The following DLGAP2 variants were observed in gnomAD, a reference collection of about 807,000 sequenced individuals.
DLGAP2 encodes the protein DLG associated protein 2, also known as disks large-associated protein 2.
Under a neutral mutation model 100.3 loss-of-function variants are expected in DLGAP2, and 26 were observed. The observed-to-expected ratio is 0.26, with a 90% CI of 0.19 to 0.36. The LOEUF is 0.36. Among genes scored for constraint, DLGAP2 ranks in the 10% least tolerant of loss-of-function variants. The pLI is 1.00. For synonymous variants in DLGAP2, 886 were observed against 630.1 expected (o/e 1.41, Z -6.08); for missense variants, 1,858 against 1,453.2 (o/e 1.28, Z -4.53).
intron 2 of DLGAP2, among the ~76,000 whole-genome samples, chr8:955,782 A>G (rs1259429990): frequency 6.6e-6 from 1 of 152,216 alleles, no homozygotes; most frequent in Non-Finnish European, 1.5e-5. Context: ...AAGAATGGAC[A>G]TATTCCCAAT....
intron 3 of DLGAP2, among the ~76,000 whole-genome samples, chr8:1,319,947 G>C (rs751156150): frequency 3.3e-5 from 5 of 152,194 alleles, no homozygotes; most frequent in Non-Finnish European, 7.3e-5. Flanking sequence ...CCAGGACTTA[G>C]CTTTAACCCA....
intron 3 of DLGAP2, among the ~76,000 whole-genome samples, chr8:1,464,051 C>T (rs1798536006): frequency 6.6e-6 from 1 of 152,014 alleles, no homozygotes; most frequent in South Asian, 2.1e-4. Context: ...ACAGAATTCA[C>T]TGAATGTCGC....
chr8:1,549,272 G>A lies in DLGAP2; in HGVS notation c.819G>A (p.Lys273=). The change falls in exon 5 of 15, where the codon AAG becomes AAA. Residue 273 remains lysine (K), a synonymous_variant. Transcript: ENST00000637795. ...ADDHHHAHHA[K]HSKRSKSKER... Reference sequence around the variant, plus strand: ...ACCACCACCACGCCCACCACGCCAAGCACAGCAAGAGGAGCAAGAGCAAGG... The same window carrying A: ...ACCACCACCACGCCCACCACGCCAAACACAGCAAGAGGAGCAAGAGCAAGG... The A allele has an allele frequency of 2.5e-6, 4 of 1,611,354 alleles. No homozygotes were observed. Among genetic ancestry groups the A allele is most frequent in the African/African-American group, 1.3e-5 (1 of 75,052 alleles).
At chr8:1,255,131 G>A (rs1225110179) in intron 2 of DLGAP2, among the ~76,000 whole-genome samples, 9 of 123,324 alleles carry the variant, frequency 7.3e-5, no homozygotes, top group South Asian at 3.0e-4. Context: ...TCTCCTGCCC[G>A]GGCGCTGAGT....
chr8:889,550 C>A (rs1253690273), intron 1 of DLGAP2, among the ~76,000 whole-genome samples: 3 of 152,156 alleles, frequency 2.0e-5, no homozygotes, highest in Non-Finnish European at 2.9e-5. Context: ...CAGGGTCGAG[C>A]CTGAAGAGCA....
chr8:1,408,465 A>T (rs757030329), intron 3 of DLGAP2, among the ~76,000 whole-genome samples: 2 of 152,182 alleles, frequency 1.3e-5, no homozygotes, highest in Admixed American at 1.3e-4. Context: ...CACCGTGTCA[A>T]GTCCTGAAGC....
intron 1 of DLGAP2, among the ~76,000 whole-genome samples, chr8:827,032 G>A (rs1269335270): frequency 2.6e-5 from 4 of 152,224 alleles, no homozygotes; most frequent in East Asian, 3.9e-4. Flanking sequence ...CTCAAATGGG[G>A]GCAGTTTTGT....
chr8:764,736 C>G (rs1001839080), intron 1 of DLGAP2, among the ~76,000 whole-genome samples: 1 of 152,140 alleles, frequency 6.6e-6, no homozygotes, highest in Non-Finnish European at 1.5e-5. Flanking sequence ...TGACTTGTGC[C>G]GTCTTCTAAG....
intron 5 of DLGAP2, among the ~76,000 whole-genome samples, chr8:1,563,546 G>A (rs1455352887): frequency 4.0e-5 from 6 of 151,558 alleles, no homozygotes; most frequent in African/African-American, 1.5e-4. Context: ...TGCAGTGTCC[G>A]GGTGTCCGCG....
At chr8:813,894 G>C (rs1278497442) in intron 1 of DLGAP2, among the ~76,000 whole-genome samples, 1 of 152,148 alleles carries the variant, frequency 6.6e-6, no homozygotes, top group Non-Finnish European at 1.5e-5. Context: ...CCAGAAGCAG[G>C]ACTCCTGTCT....
At chr8:739,878 G>A (rs752453045) in intron 1 of DLGAP2, 2 of 152,258 alleles carry the variant, frequency 1.3e-5, no homozygotes, top group African/African-American at 4.8e-5. Context: ...TGGGCGGGGA[G>A]GCCGTGGAGG....
At chr8:1,031,912 T>C (rs891072307) in intron 2 of DLGAP2, among the ~76,000 whole-genome samples, 28 of 152,314 alleles carry the variant, frequency 1.8e-4, no homozygotes, top group Non-Finnish European at 1.0e-4. Context: ...GTCTCTCAGA[T>C]CTGGATCTTT....
At chr8:1,116,007 TG>T (rs1805104038) in intron 2 of DLGAP2, among the ~76,000 whole-genome samples, 1 of 152,180 alleles carries the variant, frequency 6.6e-6, no homozygotes, top group Non-Finnish European at 1.5e-5. Flanking sequence ...GACAGCACCG[TG>T]GGAGCCATTC....
chr8:951,112 AAT>A (rs1458847349), intron 2 of DLGAP2, among the ~76,000 whole-genome samples: 1 of 152,202 alleles, frequency 6.6e-6, no homozygotes, highest in African/African-American at 2.4e-5. Context: ...TTGTATTGCC[AAT>A]ATCTTTCCAT....
intron 1 of DLGAP2, among the ~76,000 whole-genome samples, chr8:791,730 C>G (rs1822032259): frequency 1.3e-5 from 2 of 152,192 alleles, no homozygotes; most frequent in Non-Finnish European, 1.5e-5. Flanking sequence ...AGTAATTTCA[C>G]ACTTCAGGAA....
At chr8:1,370,620 G>T (rs899346551) in intron 3 of DLGAP2, among the ~76,000 whole-genome samples, 6 of 152,176 alleles carry the variant, frequency 3.9e-5, no homozygotes, top group African/African-American at 1.4e-4. Context: ...TTGCTACAGG[G>T]AGCACGGGGA....
chr8:844,369 C>T (rs1283580106), intron 1 of DLGAP2, among the ~76,000 whole-genome samples: 1 of 152,224 alleles, frequency 6.6e-6, no homozygotes, highest in Non-Finnish European at 1.5e-5. Flanking sequence ...GCACAGCCTT[C>T]TGCTCAGCAG....
At chr8:1,616,223 A>G (rs1171624000) in intron 6 of DLGAP2, among the ~76,000 whole-genome samples, 9 of 152,188 alleles carry the variant, frequency 5.9e-5, no homozygotes, top group African/African-American at 2.2e-4. Flanking sequence ...GAGGTAAGAT[A>G]TTAAAAAAAA....
intron 3 of DLGAP2, among the ~76,000 whole-genome samples, chr8:1,434,129 G>C (rs894573048): frequency 6.6e-6 from 1 of 152,148 alleles, no homozygotes; most frequent in Non-Finnish European, 1.5e-5. Context: ...CGTGGCCGCA[G>C]GGCTGAGGGT....
Sources: allele counts gnomAD v4.1 joint callset (sites outside exome capture counted in the v4.1 genomes callset), GRCh38; gene constraint gnomAD v4.1.1; transcripts MANE v1.5; gene names NCBI Gene and HGNC (gene_info 2026-07-23, HGNC 2026-07-21).